The following RANBP2 variants were observed in gnomAD, a reference collection of about 807,000 sequenced individuals.
RANBP2 encodes E3 SUMO-protein ligase RanBP2.
In RANBP2, 57 loss-of-function variants were observed where a neutral mutation model predicts 303.6. The observed-to-expected ratio is 0.19, with a 90% confidence interval of 0.15 to 0.23. RANBP2 has a LOEUF of 0.23. Ranked by LOEUF, RANBP2 falls within the 10% of genes least tolerant of loss-of-function variation. RANBP2 has a pLI of 1.00. For missense variants in RANBP2, 3,138 were observed against 3,780.8 expected, an observed-to-expected ratio of 0.83 and a Z score of 4.46; for synonymous variants, 1,167 against 1,301.5, an observed-to-expected ratio of 0.90 and a Z score of 2.23.
At chr2:108,930,338 T>C in the RANBP2 span, 1 of 1,462,658 alleles carries the variant, frequency 6.8e-7, no homozygotes. Context: ...GGGGGTGCCC[T>C]GCGGTGGGGG....
intron 1 of RANBP2, among the ~76,000 whole-genome samples, chr2:108,723,442 T>C (rs1350429653): frequency 3.3e-5 from 5 of 151,994 alleles, no homozygotes; most frequent in Admixed American, 3.3e-4. Flanking sequence ...ACCCGGCTAA[T>C]TTTTTAGTAT....
At chr2:108,859,022 C>T in the RANBP2 span, among the ~76,000 whole-genome samples, 1 of 152,126 alleles carries the variant, frequency 6.6e-6, no homozygotes, top group Admixed American at 6.5e-5. Flanking sequence ...AATTTCATTT[C>T]CTTTGGGTAT....
chr2:108,978,513 C>T, the RANBP2 span, among the ~76,000 whole-genome samples: 31,982 of 152,136 alleles, frequency 0.21, 3,556 homozygotes, highest in Middle Eastern at 0.28. Flanking sequence ...GAGGGAGCCA[C>T]GGGCTTAGGG....
chr2:108,893,539 C>T, the RANBP2 span, among the ~76,000 whole-genome samples: 4 of 151,612 alleles, frequency 2.6e-5, no homozygotes, highest in Admixed American at 1.3e-4. Flanking sequence ...AGATCTTGAT[C>T]AAATGGGGGA....
chr2:109,714,114 T>C, the RANBP2 span, among the ~76,000 whole-genome samples: 1 of 152,138 alleles, frequency 6.6e-6, no homozygotes. Context: ...AGGGTCTTGC[T>C]CTGTCACCCA....
At chr2:108,901,183 A>G in the RANBP2 span, among the ~76,000 whole-genome samples, 1 of 152,254 alleles carries the variant, frequency 6.6e-6, no homozygotes, top group Admixed American at 6.5e-5. Context: ...GAATATAAAT[A>G]TATAACAGAA....
At chr2:109,146,044 G>A in the RANBP2 span, among the ~76,000 whole-genome samples, 10 of 132,690 alleles carry the variant, frequency 7.5e-5, no homozygotes, top group African/African-American at 4.2e-4. Context: ...GAGTCCATGC[G>A]GGCCGAGGGA....
At chr2:109,429,226 G>A in the RANBP2 span, among the ~76,000 whole-genome samples, 1 of 152,058 alleles carries the variant, frequency 6.6e-6, no homozygotes, top group Admixed American at 6.5e-5. Flanking sequence ...CCCCCACCCG[G>A]GCCAAGGCCC....
chr2:109,344,426 G>A, the RANBP2 span, among the ~76,000 whole-genome samples: 9 of 152,208 alleles, frequency 5.9e-5, no homozygotes, highest in Non-Finnish European at 1.0e-4. Context: ...CAGACTTCTC[G>A]TGACTGAGGA....
downstream of RANBP2, chr2:108,787,019 C>T (rs1028592088): frequency 1.5e-6 from 1 of 666,350 alleles, no homozygotes. Flanking sequence ...GCTCTGGTCC[C>T]GGCCCCGGCA....
rs565136277 is a variant in RANBP2 at position 108,723,554 on chromosome 2, C to A, written c.72+3876C>A. Among the ~76,000 whole-genome samples, 21 of 152,266 alleles carry A rather than the reference C, an allele frequency of 1.4e-4. No individual in the cohort carries two copies. In the East Asian group the frequency reaches 3.9e-3, roughly 28 times the overall value. The stretch of plus-strand genomic sequence containing the variant: ...CCTCCCAAAGTGCCGGGGTTACAGG[C>A]GTGAGCCACCGCGCCGGGCCCCATT... On this transcript the variant is annotated intron_variant, in intron 1 of 28. Coordinates refer to ENST00000283195, the MANE Select transcript of RANBP2 (RefSeq NM_006267.5).
chr2:109,748,654 C>T, the RANBP2 span, among the ~76,000 whole-genome samples: 1 of 141,416 alleles, frequency 7.1e-6, no homozygotes, highest in Non-Finnish European at 1.5e-5. Flanking sequence ...GGGCGGATTA[C>T]CTGAGGTCAG....
At chr2:109,440,847 G>A in the RANBP2 span, among the ~76,000 whole-genome samples, 14,093 of 152,102 alleles carry the variant, frequency 0.093, 825 homozygotes, top group African/African-American at 0.16. Context: ...CATGAGAAAC[G>A]TACCCAAAGC....
the RANBP2 span, among the ~76,000 whole-genome samples, chr2:109,606,829 A>G: frequency 1.3e-5 from 2 of 151,832 alleles, no homozygotes; most frequent in African/African-American, 4.8e-5. Context: ...ACAGGCACGC[A>G]CCACTAGGCA....
At chr2:109,393,309 C>T in the RANBP2 span, among the ~76,000 whole-genome samples, 51 of 152,322 alleles carry the variant, frequency 3.3e-4, no homozygotes, top group African/African-American at 1.1e-3. Flanking sequence ...ATTGGGAAGC[C>T]GAGCTTGCAA....
chr2:109,340,115 T>A, the RANBP2 span, among the ~76,000 whole-genome samples: 1 of 152,270 alleles, frequency 6.6e-6, no homozygotes, highest in South Asian at 2.1e-4. Context: ...AGCTAAATAA[T>A]GGCTGAGTTA....
At chr2:109,643,492 G>T in the RANBP2 span, among the ~76,000 whole-genome samples, 2 of 152,196 alleles carry the variant, frequency 1.3e-5, no homozygotes, top group African/African-American at 2.4e-5. Flanking sequence ...GGGCGCAGCG[G>T]CTCACACCTG....
At chr2:109,153,535 A>T in the RANBP2 span, among the ~76,000 whole-genome samples, 1 of 152,244 alleles carries the variant, frequency 6.6e-6, no homozygotes, top group Non-Finnish European at 1.5e-5. Context: ...GGCTCGGCTC[A>T]GTGTGCAATG....
chr2:108,906,882 C>G, the RANBP2 span, among the ~76,000 whole-genome samples: 2 of 152,140 alleles, frequency 1.3e-5, no homozygotes, highest in Admixed American at 1.3e-4. Context: ...ACAGAGGTCA[C>G]TGAACTCGGG....
Sources: allele counts gnomAD v4.1 joint callset (sites outside exome capture counted in the v4.1 genomes callset), GRCh38; gene constraint gnomAD v4.1.1; transcripts MANE v1.5; gene names NCBI Gene and HGNC (gene_info 2026-07-23, HGNC 2026-07-21).